Variants in PDE4B observed in about 807,000 individuals in gnomAD.
PDE4B encodes phosphodiesterase 4B, also known as 3',5'-cyclic-AMP phosphodiesterase 4B.
In PDE4B, 20 loss-of-function variants were observed where a neutral mutation model predicts 82.2. That is an observed-to-expected ratio of 0.24 (90% confidence interval 0.17 to 0.35). The LOEUF is 0.35. Among genes scored for constraint, PDE4B ranks in the 10% least tolerant of loss-of-function variants. The probability of loss-of-function intolerance (pLI) is 1.00; values close to 1 mark genes in which losing one functional copy is unlikely to be tolerated. For missense variants in PDE4B, 655 were observed against 907.2 expected, an observed-to-expected ratio of 0.72 and a Z score of 3.57; for synonymous variants, 320 against 318.9, an observed-to-expected ratio of 1.00 and a Z score of -0.04.
intron 3 of PDE4B, among the ~76,000 whole-genome samples, chr1:65,934,019 T>C (rs1298039489): frequency 1.3e-5 from 2 of 152,200 alleles, no homozygotes; most frequent in Non-Finnish European, 2.9e-5. Context: ...TAAGTTGTTA[T>C]CAGTTTAATA....
At chr1:65,982,267 C>T (rs1470944146) in intron 3 of PDE4B, among the ~76,000 whole-genome samples, 1 of 152,102 alleles carries the variant, frequency 6.6e-6, no homozygotes, top group South Asian at 2.1e-4. Flanking sequence ...AAAAATAGAA[C>T]TTATAGGTGA....
At chr1:66,354,644 G>A in intron 8 of PDE4B, 2 of 1,386,600 alleles carry the variant, frequency 1.4e-6, no homozygotes, top group Non-Finnish European at 1.9e-6. Flanking sequence ...GGGAGCATAG[G>A]CTTCTTGCAA....
At chr1:66,321,546 CA>C (rs1221930762) in intron 7 of PDE4B, among the ~76,000 whole-genome samples, 1 of 152,100 alleles carries the variant, frequency 6.6e-6, no homozygotes, top group African/African-American at 2.4e-5. Context: ...CTGGGAAGTA[CA>C]AAATCAAGGC....
At chr1:65,845,172 C>T (rs905680385) in intron 1 of PDE4B, among the ~76,000 whole-genome samples, 1 of 152,156 alleles carries the variant, frequency 6.6e-6, no homozygotes, top group Non-Finnish European at 1.5e-5. Flanking sequence ...ACATAACATC[C>T]AACATAACTT....
intron 3 of PDE4B, among the ~76,000 whole-genome samples, chr1:66,133,733 A>G (rs763097750): frequency 1.8e-4 from 27 of 152,162 alleles, no homozygotes; most frequent in Non-Finnish European, 3.1e-4. Context: ...CCTAGAAGCC[A>G]TCTCCTTCCT....
At chr1:66,339,609 G>C (rs1361133561) in intron 8 of PDE4B, among the ~76,000 whole-genome samples, 2 of 152,168 alleles carry the variant, frequency 1.3e-5, no homozygotes, top group Non-Finnish European at 2.9e-5. Context: ...TACCTGATAA[G>C]AGAGCATAAT....
At chr1:65,902,959 A>G (rs748853927) in intron 1 of PDE4B, among the ~76,000 whole-genome samples, 10 of 152,198 alleles carry the variant, frequency 6.6e-5, no homozygotes, top group African/African-American at 2.4e-4. Context: ...TATGCAACCA[A>G]CTAGGTGAAT....
intron 16 of PDE4B, among the ~76,000 whole-genome samples, chr1:66,369,820 G>T (rs1378329850): frequency 1.3e-5 from 2 of 151,864 alleles, no homozygotes; most frequent in Non-Finnish European, 2.9e-5. Context: ...TTATTTTGTT[G>T]CTTCTTAGAG....
At chr1:66,263,244 G>T (rs1257965471) in intron 6 of PDE4B, among the ~76,000 whole-genome samples, 2 of 152,200 alleles carry the variant, frequency 1.3e-5, no homozygotes, top group African/African-American at 4.8e-5. Context: ...ACAGGTGAGG[G>T]CCACTCACAG....
chr1:65,954,667 A>G (rs1649168417), intron 3 of PDE4B, among the ~76,000 whole-genome samples: 1 of 152,076 alleles, frequency 6.6e-6, no homozygotes, highest in South Asian at 2.1e-4. Flanking sequence ...TCAATGGTGA[A>G]ATATTAGAAG....
At chr1:65,911,082 A>G (rs879765597) in intron 1 of PDE4B, among the ~76,000 whole-genome samples, 9 of 152,148 alleles carry the variant, frequency 5.9e-5, no homozygotes, top group African/African-American at 9.7e-5. Flanking sequence ...AAGGCACATG[A>G]ATTTATATAG....
At chr1:66,332,018 C>T (rs1660151069) in intron 7 of PDE4B, 9 of 1,042,590 alleles carry the variant, frequency 8.6e-6, no homozygotes, top group Non-Finnish European at 1.0e-5. Context: ...AGTTTTCACC[C>T]GAATTTTGAC....
At chr1:66,068,707 T>A (rs540586551) in intron 3 of PDE4B, among the ~76,000 whole-genome samples, 1 of 152,084 alleles carries the variant, frequency 6.6e-6, no homozygotes, top group South Asian at 2.1e-4. Context: ...ATAAGGCCAT[T>A]ACAATATAGG....
intron 3 of PDE4B, among the ~76,000 whole-genome samples, chr1:66,157,246 A>T (rs1646519021): frequency 6.6e-6 from 1 of 152,090 alleles, no homozygotes; most frequent in Non-Finnish European, 1.5e-5. Context: ...CTAGAATCTG[A>T]CTAGTTATTA....
intron 7 of PDE4B, among the ~76,000 whole-genome samples, chr1:66,320,064 T>C (rs2101888864): frequency 6.6e-6 from 1 of 152,318 alleles, no homozygotes; most frequent in East Asian, 1.9e-4. Context: ...TGGTGTGACC[T>C]ATTTCTAATT....
chr1:65,872,927 A>G (rs1646591125), intron 1 of PDE4B, among the ~76,000 whole-genome samples: 1 of 152,150 alleles, frequency 6.6e-6, no homozygotes, highest in Non-Finnish European at 1.5e-5. Context: ...TTAATGATTT[A>G]TTCAATGACC....
intron 3 of PDE4B, among the ~76,000 whole-genome samples, chr1:66,084,554 G>A (rs1349963475): frequency 6.6e-6 from 1 of 152,086 alleles, no homozygotes; most frequent in Non-Finnish European, 1.5e-5. Context: ...TTCCTCAGGT[G>A]GGGACCAGAG....
At chr1:66,026,688 G>A (rs901710668) in intron 3 of PDE4B, among the ~76,000 whole-genome samples, 1 of 151,822 alleles carries the variant, frequency 6.6e-6, no homozygotes, top group Non-Finnish European at 1.5e-5. Flanking sequence ...AATGTGCCTG[G>A]TATATAGTGT....
At chr1:66,339,860 T>C (rs917406918) in intron 8 of PDE4B, among the ~76,000 whole-genome samples, 4 of 151,898 alleles carry the variant, frequency 2.6e-5, no homozygotes, top group African/African-American at 9.7e-5. Context: ...GTTTTTTTTT[T>C]TTTAGAATAT....
Sources: gnomAD v4.1 joint callset for allele counts (sites outside exome capture counted in the v4.1 genomes callset) on GRCh38, gnomAD v4.1.1 for gene constraint, MANE v1.5 for transcripts, NCBI Gene and HGNC (gene_info 2026-07-23, HGNC 2026-07-21) for gene names.